ZFAND3: variants seen among roughly 807,000 people sequenced by gnomAD.
The protein encoded by ZFAND3 is AN1-type zinc finger protein 3.
ZFAND3 carries 10 observed loss-of-function variants against 29.6 expected under a neutral mutation model. The ratio of observed to expected loss-of-function variants is 0.34; its 90% confidence interval spans 0.21 to 0.57. The LOEUF (loss-of-function observed/expected upper bound fraction) is 0.57. Ranked by LOEUF, ZFAND3 falls within the 20% of genes least tolerant of loss-of-function variation. The probability of loss-of-function intolerance (pLI) is 0.86; values close to 1 mark genes in which losing one functional copy is unlikely to be tolerated. For synonymous variants in ZFAND3, 128 were observed against 112.6 expected, an observed-to-expected ratio of 1.14 and a Z score of -0.87; for missense variants, 230 against 304.5, an observed-to-expected ratio of 0.76 and a Z score of 1.82.
chr6:37,974,568 A>G (rs1444885931), intron 2 of ZFAND3, among the ~76,000 whole-genome samples: 1 of 151,704 alleles, frequency 6.6e-6, no homozygotes, highest in East Asian at 1.9e-4. Context: ...CAACACCTGG[A>G]TAATTTTTGT....
chr6:38,081,933 C>T (rs547598126), intron 3 of ZFAND3, among the ~76,000 whole-genome samples: 1 of 152,090 alleles, frequency 6.6e-6, no homozygotes, highest in African/African-American at 2.4e-5. Flanking sequence ...TTTCTTAAGG[C>T]CCCCTCCCCT....
chr6:37,946,276 C>G (rs1761900153), intron 2 of ZFAND3, among the ~76,000 whole-genome samples: 1 of 152,166 alleles, frequency 6.6e-6, no homozygotes, highest in Non-Finnish European at 1.5e-5. Context: ...TATTTCACTT[C>G]TGATTTATAA....
At chr6:38,021,528 A>G (rs1169694757) in intron 2 of ZFAND3, among the ~76,000 whole-genome samples, 2 of 152,222 alleles carry the variant, frequency 1.3e-5, no homozygotes, top group Non-Finnish European at 1.5e-5. Context: ...GAGGAAAAAA[A>G]CACTGCTCTT....
chr6:37,978,727 C>T (rs765165270), intron 2 of ZFAND3, among the ~76,000 whole-genome samples: 1 of 152,144 alleles, frequency 6.6e-6, no homozygotes, highest in Non-Finnish European at 1.5e-5. Flanking sequence ...AACATTTCAT[C>T]CGTCTCAGCT....
At chr6:37,972,905 G>T (rs1464069826) in intron 2 of ZFAND3, among the ~76,000 whole-genome samples, 2 of 151,758 alleles carry the variant, frequency 1.3e-5, no homozygotes, top group Non-Finnish European at 3.0e-5. Flanking sequence ...CCACTTAACT[G>T]AAAGTAGACC....
At chr6:38,067,467 A>T (rs1446914771) in intron 3 of ZFAND3, among the ~76,000 whole-genome samples, 5 of 152,222 alleles carry the variant, frequency 3.3e-5, no homozygotes. Context: ...ACCACACCAT[A>T]GCTGCCATTC....
chr6:37,953,442 T>TTTG (rs1762034036), intron 2 of ZFAND3, among the ~76,000 whole-genome samples: 1 of 6,368 alleles, frequency 1.6e-4, no homozygotes, highest in Admixed American at 2.5e-3. Flanking sequence ...CATAATTATC[T>TTTG]TTTTTTTTTT....
intron 4 of ZFAND3, among the ~76,000 whole-genome samples, chr6:38,091,873 C>G (rs1764880642): frequency 6.6e-6 from 1 of 152,136 alleles, no homozygotes; most frequent in Non-Finnish European, 1.5e-5. Flanking sequence ...GTGTCTGGGA[C>G]TTGCGCTGAT....
At chr6:37,987,184 T>C (rs1762685862) in intron 2 of ZFAND3, among the ~76,000 whole-genome samples, 2 of 152,286 alleles carry the variant, frequency 1.3e-5, no homozygotes, top group South Asian at 4.1e-4. Flanking sequence ...GAGTTAGAAG[T>C]GAGTGGCCAG....
At position 38,027,066 on chromosome 6, in the gene ZFAND3, A is replaced by G. The variant is rs546662171; in HGVS notation, c.113-34527A>G. On this transcript the variant is annotated intron_variant, in intron 2 of 5. Transcript: ENST00000287218. ...CCCCAGTCCACGAAGAGAGGTCTTCAAGAGCCTACAGGGCTCTAAGGACAC... is the reference window on the plus strand; with the variant it reads ...CCCCAGTCCACGAAGAGAGGTCTTCGAGAGCCTACAGGGCTCTAAGGACAC... Among the ~76,000 whole-genome samples the G allele has an allele frequency of 2.0e-5, 3 of 152,344 alleles. No individual in the cohort carries two copies. In the East Asian group the frequency reaches 5.8e-4, roughly 29 times the overall value.
intron 5 of ZFAND3, among the ~76,000 whole-genome samples, chr6:38,127,523 AC>A (rs1402994741): frequency 6.6e-6 from 1 of 152,174 alleles, no homozygotes; most frequent in Non-Finnish European, 1.5e-5. Flanking sequence ...CATAAGAGAC[AC>A]CCAGATAGCT....
chr6:37,833,940 A>T (rs1763914035), intron 1 of ZFAND3, among the ~76,000 whole-genome samples: 1 of 152,082 alleles, frequency 6.6e-6, no homozygotes, highest in Admixed American at 6.6e-5. Context: ...GTCTACACAC[A>T]CAGCCTCCCC....
Position 37,984,369 on chromosome 6 carries a change from C to T in ZFAND3, c.112+54370C>T, listed in dbSNP as rs747839166. On this transcript the variant is annotated intron_variant, in intron 2 of 5. Coordinates refer to ENST00000287218, the MANE Select transcript of ZFAND3 (RefSeq NM_021943.3). ...TAAAGGTAAAACTGTCCAGGTTTCC[C>T]GTTGTACATATGAGAAGAGGGAGTA... Among the ~76,000 whole-genome samples the T allele has an allele frequency of 3.9e-5, 6 of 152,144 alleles. 1 individual carries two copies. The highest frequency in any genetic ancestry group is 4.1e-4 in the South Asian group (2 of 4,824).
At chr6:37,891,426 C>CCCCCG (rs922661157) in intron 1 of ZFAND3, among the ~76,000 whole-genome samples, 2 of 144,916 alleles carry the variant, frequency 1.4e-5, no homozygotes, top group South Asian at 2.3e-4. Context: ...TCCCCCCCCC[C>CCCCCG]GCCTTTAAAA....
intron 2 of ZFAND3, among the ~76,000 whole-genome samples, chr6:38,056,988 C>T (rs1409579298): frequency 6.6e-6 from 1 of 152,210 alleles, no homozygotes; most frequent in Admixed American, 6.5e-5. Flanking sequence ...CTCAGGCTGA[C>T]AACTTTATTC....
intron 2 of ZFAND3, among the ~76,000 whole-genome samples, chr6:38,024,050 C>T (rs1187108817): frequency 2.0e-5 from 3 of 152,080 alleles, no homozygotes; most frequent in Non-Finnish European, 2.9e-5. Context: ...ACAAACGAGA[C>T]GAAACCAGGT....
intron 1 of ZFAND3, among the ~76,000 whole-genome samples, chr6:37,896,625 C>A (rs1470634489): frequency 8.2e-6 from 1 of 121,944 alleles, no homozygotes; most frequent in African/African-American, 3.0e-5. Context: ...TCTTTTCTTT[C>A]TTTCTTGCCT....
intron 1 of ZFAND3, among the ~76,000 whole-genome samples, chr6:37,921,437 A>G (rs1251037186): frequency 6.6e-6 from 1 of 152,028 alleles, no homozygotes; most frequent in African/African-American, 2.4e-5. Flanking sequence ...TGGGTTAAAA[A>G]AAAAAAGTTG....
intron 1 of ZFAND3, among the ~76,000 whole-genome samples, chr6:37,911,685 T>G (rs1013011748): frequency 4.6e-5 from 7 of 152,218 alleles, no homozygotes; most frequent in African/African-American, 1.7e-4. Context: ...GGGTTGTAAC[T>G]GATTATATTA....
Sources: allele counts gnomAD v4.1 joint callset (sites outside exome capture counted in the v4.1 genomes callset), GRCh38; gene constraint gnomAD v4.1.1; transcripts MANE v1.5; gene names NCBI Gene and HGNC (gene_info 2026-07-23, HGNC 2026-07-21).